Variants in SNX18 observed in about 807,000 individuals in gnomAD.
The protein encoded by SNX18 is sorting nexin 18.
SNX18 carries 35 observed loss-of-function variants against 48.7 expected under a neutral mutation model. The ratio of observed to expected loss-of-function variants is 0.72; its 90% confidence interval spans 0.55 to 0.95. The LOEUF (loss-of-function observed/expected upper bound fraction) is 0.95. Ranked by LOEUF, SNX18 falls within the 40% of genes least tolerant of loss-of-function variation. The probability of loss-of-function intolerance (pLI) is 0.00; values close to 1 mark genes in which losing one functional copy is unlikely to be tolerated. For missense variants in SNX18, 824 were observed against 871.0 expected, an observed-to-expected ratio of 0.95 and a Z score of 0.68; for synonymous variants, 492 against 384.7, an observed-to-expected ratio of 1.28 and a Z score of -3.26.
the SNX18 span, among the ~76,000 whole-genome samples, chr5:54,591,660 G>T: frequency 0.12 from 17,757 of 152,294 alleles, 1,299 homozygotes; most frequent in East Asian, 0.22. Flanking sequence ...AGTAGAAAGA[G>T]AAATATCTTT....
chr5:54,635,533 CTTGTT>C, the SNX18 span, among the ~76,000 whole-genome samples: 1 of 152,036 alleles, frequency 6.6e-6, no homozygotes, highest in South Asian at 2.1e-4. Context: ...TGCTGTTTGC[CTTGTT>C]TTATTTTATT....
chr5:54,565,995 G>A, the SNX18 span, among the ~76,000 whole-genome samples: 1 of 152,176 alleles, frequency 6.6e-6, no homozygotes, highest in Admixed American at 6.5e-5. Context: ...ACTGTCTTTT[G>A]AGGGTGCTCA....
At chr5:54,562,351 G>C in the SNX18 span, among the ~76,000 whole-genome samples, 1 of 152,208 alleles carries the variant, frequency 6.6e-6, no homozygotes. Flanking sequence ...GTGGTGGTTA[G>C]ATTTAAATAT....
chr5:54,609,640 AAAGGGCTGAGATAAAAAAAATGCC>A, the SNX18 span, among the ~76,000 whole-genome samples: 2 of 152,116 alleles, frequency 1.3e-5, no homozygotes, highest in Non-Finnish European at 2.9e-5. Context: ...CCACCCTGCA[AAAGGGCTGAGATAAAAAAAATGCC>A]AAGGATTTGG....
At chr5:54,615,438 C>G in the SNX18 span, among the ~76,000 whole-genome samples, 1 of 151,210 alleles carries the variant, frequency 6.6e-6, no homozygotes, top group Admixed American at 6.6e-5. Flanking sequence ...TTTAAAAATC[C>G]AGCTTGGGTC....
chr5:54,532,758 G>A (rs1039047158), intron 1 of SNX18, among the ~76,000 whole-genome samples: 2 of 152,088 alleles, frequency 1.3e-5, no homozygotes, highest in Non-Finnish European at 2.9e-5. Context: ...GAACCTTTAT[G>A]TATATAAAAT....
At chr5:54,630,604 T>G in the SNX18 span, among the ~76,000 whole-genome samples, 1 of 151,878 alleles carries the variant, frequency 6.6e-6, no homozygotes, top group Non-Finnish European at 1.5e-5. Flanking sequence ...GAAGCCAAGG[T>G]GGGTGGATCA....
At chr5:54,541,012 GGTCTT>G (rs1204312897) in intron 1 of SNX18, among the ~76,000 whole-genome samples, 1 of 151,492 alleles carries the variant, frequency 6.6e-6, no homozygotes, top group Non-Finnish European at 1.5e-5. Flanking sequence ...ACACTTTCCT[GGTCTT>G]TTCTTTTTTT....
the SNX18 span, among the ~76,000 whole-genome samples, chr5:54,583,783 T>A: frequency 6.6e-6 from 1 of 152,228 alleles, no homozygotes; most frequent in Non-Finnish European, 1.5e-5. Flanking sequence ...TGTCCCTTCT[T>A]TGTGGACCCC....
At chr5:54,572,209 T>C in the SNX18 span, among the ~76,000 whole-genome samples, 1 of 152,142 alleles carries the variant, frequency 6.6e-6, no homozygotes, top group Non-Finnish European at 1.5e-5. Context: ...CTAATATAAA[T>C]GGAATATGAG....
the SNX18 span, among the ~76,000 whole-genome samples, chr5:54,626,901 G>T: frequency 6.6e-6 from 1 of 152,194 alleles, no homozygotes; most frequent in African/African-American, 2.4e-5. Context: ...CATGCATGTA[G>T]AACATGTTGC....
the SNX18 span, among the ~76,000 whole-genome samples, chr5:54,642,367 A>T: frequency 6.6e-6 from 1 of 151,980 alleles, no homozygotes; most frequent in East Asian, 1.9e-4. Context: ...ATAAAAATGG[A>T]ATTAGTTATG....
the SNX18 span, among the ~76,000 whole-genome samples, chr5:54,585,728 G>A: frequency 6.6e-6 from 1 of 151,952 alleles, no homozygotes; most frequent in Admixed American, 6.6e-5. Context: ...CCCCGGCCGG[G>A]CGCGGTGGCT....
the SNX18 span, among the ~76,000 whole-genome samples, chr5:54,612,500 T>A: frequency 1.3e-5 from 2 of 152,196 alleles, no homozygotes; most frequent in South Asian, 4.2e-4. Flanking sequence ...CCTGACTTCA[T>A]GATCTGCCGG....
chr5:54,605,332 C>T, the SNX18 span, among the ~76,000 whole-genome samples: 1 of 151,964 alleles, frequency 6.6e-6, no homozygotes, highest in Non-Finnish European at 1.5e-5. Context: ...AGAGTAGTAC[C>T]AGCAGAGACT....
At chr5:54,625,354 A>T in the SNX18 span, among the ~76,000 whole-genome samples, 4 of 152,168 alleles carry the variant, frequency 2.6e-5, no homozygotes, top group Non-Finnish European at 5.9e-5. Context: ...GGCTGTAATC[A>T]TCTCCAGACT....
At position 54,545,363 on chromosome 5, in the gene SNX18, G is replaced by A. The variant is rs1179969839; in HGVS notation, c.*1931G>A. 2.6e-5 allele frequency: 4 copies of A among 151,494 alleles called. No individual in the cohort carries two copies. The highest frequency in any genetic ancestry group is 9.7e-5 in the African/African-American group (4 of 41,244). 9.4% of individuals were successfully genotyped at this position (151,494 alleles called of 1,614,324 possible). A position where few individuals can be genotyped will look rare whatever the true frequency, so the allele number is the denominator to read the frequency against. ...CAAATAAGCACCATGCTTTTCAAAT[G>A]ATTTAAAAATTACTTTTATTTGCCT... On this transcript the variant is annotated 3_prime_UTR_variant, in exon 2 of 2. Coordinates refer to ENST00000381410, the MANE Select transcript of SNX18 (RefSeq NM_001102575.2).
the SNX18 span, among the ~76,000 whole-genome samples, chr5:54,627,969 T>A: frequency 6.6e-6 from 1 of 152,146 alleles, no homozygotes; most frequent in African/African-American, 2.4e-5. Context: ...CACGCCTACA[T>A]CTGGGTTCAT....
the SNX18 span, among the ~76,000 whole-genome samples, chr5:54,554,733 A>C: frequency 6.6e-6 from 1 of 152,216 alleles, no homozygotes; most frequent in Non-Finnish European, 1.5e-5. Flanking sequence ...TCCATTCTTT[A>C]ATGCATCATG....
Sources: allele counts gnomAD v4.1 joint callset (sites outside exome capture counted in the v4.1 genomes callset), GRCh38; gene constraint gnomAD v4.1.1; transcripts MANE v1.5; gene names NCBI Gene and HGNC (gene_info 2026-07-23, HGNC 2026-07-21).